The following FTO variants were observed in gnomAD, a reference collection of about 807,000 sequenced individuals.
FTO encodes FTO alpha-ketoglutarate dependent dioxygenase.
In FTO, 47 loss-of-function variants were observed where a neutral mutation model predicts 63.9. That is an observed-to-expected ratio of 0.74 (90% CI 0.58 to 0.94). The LOEUF is 0.94. FTO is among the 40% of genes least tolerant of loss of function. The pLI is 0.00. For missense variants in FTO, 562 were observed against 618.1 expected, an observed-to-expected ratio of 0.91 and a Z score of 0.96; for synonymous variants, 207 against 224.4, an observed-to-expected ratio of 0.92 and a Z score of 0.69.
chr16:53,996,961 A>C (rs1381046446), intron 8 of FTO, among the ~76,000 whole-genome samples: 1 of 151,874 alleles, frequency 6.6e-6, no homozygotes, highest in Non-Finnish European at 1.5e-5. Context: ...ATACAAAAAA[A>C]ATTTAGCCTG....
intron 8 of FTO, chr16:53,992,509 C>A (rs754504782): frequency 3.3e-5 from 5 of 152,086 alleles, no homozygotes; most frequent in Non-Finnish European, 7.3e-5. Flanking sequence ...TGGGAAAAGC[C>A]ATCTTTCTCT....
chr16:53,739,824 G>A (rs2076489496), intron 1 of FTO, among the ~76,000 whole-genome samples: 1 of 151,758 alleles, frequency 6.6e-6, no homozygotes, highest in African/African-American at 2.4e-5. Flanking sequence ...TTACTCTGAG[G>A]ATGCCTATTT....
upstream of FTO, chr16:53,704,104 G>C (rs1971791272): frequency 4.4e-6 from 6 of 1,364,476 alleles, no homozygotes; most frequent in East Asian, 1.5e-4. Flanking sequence ...GCAGGACGCT[G>C]AGAGAACTAC....
chr16:53,902,022 C>T (rs1288861094), intron 7 of FTO, among the ~76,000 whole-genome samples: 3 of 152,050 alleles, frequency 2.0e-5, no homozygotes, highest in Non-Finnish European at 4.4e-5. Context: ...AAAGTCACAC[C>T]AGAGGGTCAT....
intron 8 of FTO, among the ~76,000 whole-genome samples, chr16:54,057,192 CT>C (rs1213257820): frequency 1.3e-5 from 2 of 152,222 alleles, no homozygotes; most frequent in Non-Finnish European, 2.9e-5. Context: ...ACAACACTTT[CT>C]TCCTAACTTT....
At chr16:53,895,262 A>C (rs1354551119) in intron 7 of FTO, among the ~76,000 whole-genome samples, 2 of 151,666 alleles carry the variant, frequency 1.3e-5, no homozygotes, top group South Asian at 2.1e-4. Flanking sequence ...TTTTTCCCTG[A>C]GTGTCTGTAC....
At chr16:53,947,580 T>A (rs1392802371) in intron 8 of FTO, among the ~76,000 whole-genome samples, 2 of 152,140 alleles carry the variant, frequency 1.3e-5, no homozygotes, top group African/African-American at 4.8e-5. Flanking sequence ...TTTGTGGTGG[T>A]GATTTTTCAT....
chr16:54,040,905 T>C (rs1260371560), intron 8 of FTO, among the ~76,000 whole-genome samples: 1 of 152,234 alleles, frequency 6.6e-6, no homozygotes, highest in Non-Finnish European at 1.5e-5. Flanking sequence ...GTGTGTGTTT[T>C]ATATGGGACC....
intron 2 of FTO, among the ~76,000 whole-genome samples, chr16:53,817,575 ATT>A (rs58871912): frequency 2.6e-5 from 4 of 151,158 alleles, no homozygotes; most frequent in Admixed American, 6.6e-5. Flanking sequence ...GAATATTTAA[ATT>A]TTTTTTTTCT....
At chr16:53,873,926 G>A in intron 5 of FTO, 61 bp downstream of exon 5, 4 of 1,220,462 alleles carry the variant, frequency 3.3e-6, no homozygotes, top group East Asian at 2.3e-5. Context: ...GGTTGAATGA[G>A]CAATTTACTA....
chr16:54,113,671 G>A lies in FTO; in HGVS notation c.*1756G>A, dbSNP rs1208675870. ...CGTGGTGTTTAAAAGTCACAGATGG[G>A]GCACCCTCGGGCCATCCAGCCCAGT... On this transcript the variant is annotated 3_prime_UTR_variant, in exon 9 of 9. Coordinates refer to ENST00000471389, the MANE Select transcript of FTO (RefSeq NM_001080432.3). The A allele has an allele frequency of 6.6e-6, 1 of 152,056 alleles. No homozygotes were observed. The highest frequency in any genetic ancestry group is 1.5e-5 in the Non-Finnish European group (1 of 68,030). The allele number at this position is 152,056 out of a possible 1,614,324, so 9.4% of individuals were successfully genotyped here.
chr16:54,079,544 T>C (rs1394212328), intron 8 of FTO, among the ~76,000 whole-genome samples: 3 of 152,140 alleles, frequency 2.0e-5, no homozygotes, highest in African/African-American at 4.8e-5. Context: ...CATGAGACTA[T>C]GGTAAAGCAG....
intron 1 of FTO, among the ~76,000 whole-genome samples, chr16:53,737,942 T>C (rs918553439): frequency 5.3e-5 from 8 of 152,126 alleles, no homozygotes; most frequent in Non-Finnish European, 1.5e-5. Flanking sequence ...GTAGAATGTA[T>C]AAGTTCTTTC....
intron 4 of FTO, among the ~76,000 whole-genome samples, chr16:53,854,782 A>G (rs538309437): frequency 6.6e-6 from 1 of 152,170 alleles, no homozygotes; most frequent in South Asian, 2.1e-4. Context: ...TTGGTTCTGT[A>G]TGAATTTTAG....
chr16:53,896,903 A>G (rs1313735294), intron 7 of FTO, among the ~76,000 whole-genome samples: 1 of 152,168 alleles, frequency 6.6e-6, no homozygotes, highest in Non-Finnish European at 1.5e-5. Context: ...TGGGCTGGGA[A>G]TCTTTCCATA....
intron 8 of FTO, among the ~76,000 whole-genome samples, chr16:54,060,321 G>A (rs2085540144): frequency 6.6e-6 from 1 of 152,212 alleles, no homozygotes; most frequent in Non-Finnish European, 1.5e-5. Flanking sequence ...AAAATGAAAA[G>A]TGTAATAAAT....
chr16:53,937,171 T>C (rs2082409169), intron 8 of FTO: 1 of 398,406 alleles, frequency 2.5e-6, no homozygotes, highest in South Asian at 1.3e-4. Flanking sequence ...TGCTGTGGGT[T>C]TCCTTCTCCA....
intron 1 of FTO, among the ~76,000 whole-genome samples, chr16:53,728,480 G>A (rs2076200666): frequency 6.6e-6 from 1 of 152,046 alleles, no homozygotes; most frequent in Admixed American, 6.6e-5. Flanking sequence ...CCTACTATGT[G>A]CCAGGCCCTG....
intron 7 of FTO, among the ~76,000 whole-genome samples, chr16:53,891,176 G>C (rs1218781575): frequency 1.5e-4 from 23 of 151,824 alleles, no homozygotes. Context: ...TTTTTTAGTA[G>C]AGATGGGGTT....
Sources: gnomAD v4.1 joint callset for allele counts (sites outside exome capture counted in the v4.1 genomes callset) on GRCh38, gnomAD v4.1.1 for gene constraint, MANE v1.5 for transcripts, NCBI Gene and HGNC (gene_info 2026-07-23, HGNC 2026-07-21) for gene names.